NTRK2: variants seen among roughly 807,000 people sequenced by gnomAD.
NTRK2 encodes the protein neurotrophic receptor tyrosine kinase 2.
In NTRK2, 13 loss-of-function variants were observed where a neutral mutation model predicts 94.5. That is an observed-to-expected ratio of 0.14 (90% CI 0.09 to 0.22). NTRK2 has a LOEUF of 0.22. Among genes scored for constraint, NTRK2 ranks in the 10% least tolerant of loss-of-function variants. The pLI is 1.00. For missense variants in NTRK2, 639 were observed against 1,071.2 expected, an observed-to-expected ratio of 0.60 and a Z score of 5.63; for synonymous variants, 372 against 407.4, an observed-to-expected ratio of 0.91 and a Z score of 1.05.
chr9:84,809,882 G>GAAAAAA (rs35481612), intron 12 of NTRK2, among the ~76,000 whole-genome samples: 1 of 118,734 alleles, frequency 8.4e-6, no homozygotes, highest in Non-Finnish European at 1.7e-5. Flanking sequence ...ACTCTGTCTG[G>GAAAAAA]AAAAAAAAAA....
chr9:84,676,576 GGC>G (rs2059068353), intron 2 of NTRK2, among the ~76,000 whole-genome samples: 1 of 152,140 alleles, frequency 6.6e-6, no homozygotes, highest in Non-Finnish European at 1.5e-5. Flanking sequence ...AAAAATCAAG[GGC>G]AGTGAAGAAA....
At chr9:84,951,308 G>A (rs901191420) in intron 16 of NTRK2, among the ~76,000 whole-genome samples, 1 of 152,148 alleles carries the variant, frequency 6.6e-6, no homozygotes, top group African/African-American at 2.4e-5. Context: ...GATAGGACAG[G>A]GGATGACTTT....
At chr9:84,772,278 G>A (rs770936132) in intron 12 of NTRK2, among the ~76,000 whole-genome samples, 2 of 151,928 alleles carry the variant, frequency 1.3e-5, no homozygotes, top group Non-Finnish European at 2.9e-5. Context: ...TTGAGACAGA[G>A]TCTCACTCTG....
intron 17 of NTRK2, among the ~76,000 whole-genome samples, chr9:84,971,556 A>G (rs1826185722): frequency 1.3e-5 from 2 of 152,228 alleles, no homozygotes; most frequent in South Asian, 4.1e-4. Flanking sequence ...GAACATGGTA[A>G]AGGAGATGGC....
In NTRK2 at chr9:84,955,496, G is replaced by A. The variant is rs2132979326; in HGVS notation, c.2151G>A (p.Val717=). 6.2e-7 allele frequency: 1 copy of A among 1,614,140 alleles called. No individual in the cohort carries two copies. Among genetic ancestry groups the A allele is most frequent in the Non-Finnish European group, 8.5e-7 (1 of 1,179,974 alleles). Residue 717 remains valine, a synonymous_variant, in exon 17 of 19, where the codon GTG becomes GTA. Coordinates refer to ENST00000277120, the MANE Select transcript of NTRK2 (RefSeq NM_006180.6). ...KIGDFGMSRD[V]YSTDYYRVGG... The stretch of plus-strand genomic sequence containing the variant: ...GGGACTTTGGGATGTCCCGGGACGT[G>A]TACAGCACTGACTACTACAGGGTGA...
At chr9:84,805,034 T>G (rs2070946934) in intron 12 of NTRK2, among the ~76,000 whole-genome samples, 1 of 152,202 alleles carries the variant, frequency 6.6e-6, no homozygotes. Context: ...GGTATCAGTC[T>G]TTGGATGCAT....
intron 2 of NTRK2, among the ~76,000 whole-genome samples, chr9:84,682,766 G>A (rs1168868765): frequency 6.6e-6 from 1 of 152,124 alleles, no homozygotes; most frequent in Non-Finnish European, 1.5e-5. Flanking sequence ...ACACAAATGA[G>A]GGCATGCTAT....
chr9:84,745,705 T>G (rs904313524), intron 11 of NTRK2, among the ~76,000 whole-genome samples: 1 of 152,082 alleles, frequency 6.6e-6, no homozygotes, highest in African/African-American at 2.4e-5. Context: ...CATACAGGAA[T>G]GGAAGAGAAG....
In NTRK2 at chr9:85,023,397, C is replaced by T. The variant is rs553535236; in HGVS notation, c.*1960C>T. 8.6e-6 allele frequency: 2 copies of T among 232,336 alleles called. No homozygotes were observed. Among genetic ancestry groups the T allele is most frequent in the Admixed American group, 1.1e-4 (2 of 17,736 alleles). 14.4% of individuals were successfully genotyped at this position (232,336 alleles called of 1,614,324 possible). A position where few individuals can be genotyped will look rare whatever the true frequency, so the allele number is the denominator to read the frequency against. ...CTTGCGCCTGTTAATTACTGGAACA[C>T]CTTATTTTTCATTAAAGGCTTTGAA... On this transcript the variant is annotated 3_prime_UTR_variant, in exon 19 of 19. Coordinates refer to ENST00000277120, the MANE Select transcript of NTRK2 (RefSeq NM_006180.6).
At chr9:84,884,374 G>A (rs943980700) in intron 14 of NTRK2, among the ~76,000 whole-genome samples, 2 of 152,142 alleles carry the variant, frequency 1.3e-5, no homozygotes, top group African/African-American at 4.8e-5. Context: ...CCTGATTAGG[G>A]CACCTTCTAA....
intron 12 of NTRK2, among the ~76,000 whole-genome samples, chr9:84,816,869 G>C (rs2072453780): frequency 6.6e-6 from 1 of 151,124 alleles, no homozygotes; most frequent in Admixed American, 6.6e-5. Flanking sequence ...TCCATTTGTT[G>C]AACGAAGAAC....
intron 15 of NTRK2, among the ~76,000 whole-genome samples, chr9:84,938,835 G>A (rs1434375021): frequency 6.6e-6 from 1 of 152,032 alleles, no homozygotes; most frequent in East Asian, 1.9e-4. Flanking sequence ...TGAATTGCTT[G>A]AGCTCAGGAG....
intron 12 of NTRK2, among the ~76,000 whole-genome samples, chr9:84,819,530 T>A (rs1246504439): frequency 6.6e-6 from 1 of 152,216 alleles, no homozygotes; most frequent in African/African-American, 2.4e-5. Context: ...TACCTCTCCA[T>A]CACGCTTCAC....
chr9:84,673,161 A>G (rs1196141961), intron 2 of NTRK2, among the ~76,000 whole-genome samples: 1 of 152,188 alleles, frequency 6.6e-6, no homozygotes, highest in African/African-American at 2.4e-5. Context: ...TTTGTGCCCC[A>G]GTGCCTTTGT....
chr9:84,880,491 A>G (rs188052985), intron 14 of NTRK2, among the ~76,000 whole-genome samples: 32 of 152,334 alleles, frequency 2.1e-4, no homozygotes, highest in Admixed American at 1.4e-3. Flanking sequence ...TTCATTTTCC[A>G]TTCAAAGGTC....
At chr9:84,877,046 G>A (rs1287850795) in intron 14 of NTRK2, 1 of 1,063,266 alleles carries the variant, frequency 9.4e-7, no homozygotes, top group Non-Finnish European at 1.1e-6. Context: ...CTTTGGGGAG[G>A]GAGACAGTGG....
chr9:84,901,204 G>GTTTTATTTTATTTTA (rs56826522), intron 14 of NTRK2, among the ~76,000 whole-genome samples: 1,455 of 138,272 alleles, frequency 0.011, 17 homozygotes, highest in Non-Finnish European at 0.015. Flanking sequence ...GTTTTGTTTT[G>GTTTTATTTTATTTTA]TTTTATTTTA....
At chr9:84,889,241 C>T (rs986891964) in intron 14 of NTRK2, among the ~76,000 whole-genome samples, 5 of 151,620 alleles carry the variant, frequency 3.3e-5, no homozygotes, top group Admixed American at 2.0e-4. Context: ...CCGCCCGCCT[C>T]GGCCTCCCAA....
intron 16 of NTRK2, among the ~76,000 whole-genome samples, chr9:84,950,655 A>G (rs2078749343): frequency 6.6e-6 from 1 of 150,846 alleles, no homozygotes; most frequent in Non-Finnish European, 1.5e-5. Flanking sequence ...GCTGCTTGTG[A>G]TATCTTGGTA....
Sources: allele counts gnomAD v4.1 joint callset (sites outside exome capture counted in the v4.1 genomes callset), GRCh38; gene constraint gnomAD v4.1.1; transcripts MANE v1.5; gene names NCBI Gene and HGNC (gene_info 2026-07-23, HGNC 2026-07-21).